The following CCDC178 variants were observed in gnomAD, a reference collection of about 807,000 sequenced individuals.
The protein encoded by CCDC178 is coiled-coil domain containing 178, also known as coiled-coil domain-containing protein 178.
A neutral mutation model predicts 117.4 loss-of-function variants in CCDC178; 126 were observed. That is an observed-to-expected ratio of 1.07 (90% confidence interval 0.93 to 1.24). The LOEUF is 1.24. CCDC178 is among the 50% of genes most tolerant of loss of function. The pLI is 0.00. For synonymous variants in CCDC178, 283 were observed against 313.4 expected (o/e 0.90, Z 1.02); for missense variants, 1,030 against 986.9 (o/e 1.04, Z -0.59).
In CCDC178 at chr18:33,107,061, C is replaced by T. The variant is rs555422780; in HGVS notation, c.2239-14151G>A. On this transcript the variant is annotated intron_variant, in intron 20 of 22. Transcript: ENST00000383096. ...TCCCTGAGCCCTCAGAAGGGGAATA[C>T]AGCCCTGGCAACAACTTGACTTAAC... Among the ~76,000 whole-genome samples, 23 of 151,812 alleles carry T rather than the reference C, an allele frequency of 1.5e-4. No homozygotes were observed. In the East Asian group the frequency reaches 3.1e-3, roughly 21 times the overall value.
intron 2 of CCDC178, among the ~76,000 whole-genome samples, chr18:33,438,144 A>G (rs1398172884): frequency 1.3e-5 from 2 of 152,176 alleles, no homozygotes; most frequent in Non-Finnish European, 2.9e-5. Flanking sequence ...AGCATGGAAC[A>G]GTCAGGACTT....
chr18:33,069,352 T>C (rs2057071555), intron 21 of CCDC178, among the ~76,000 whole-genome samples: 1 of 152,022 alleles, frequency 6.6e-6, no homozygotes, highest in Non-Finnish European at 1.5e-5. Flanking sequence ...TGGAGCAGAA[T>C]AGAAAAACCA....
chr18:33,180,578 T>A (rs1328906198), intron 20 of CCDC178, among the ~76,000 whole-genome samples: 1 of 152,020 alleles, frequency 6.6e-6, no homozygotes, highest in Non-Finnish European at 1.5e-5. Flanking sequence ...AAATGTGCTA[T>A]TGTTATTGTC....
intron 12 of CCDC178, among the ~76,000 whole-genome samples, chr18:33,289,370 T>C (rs866917907): frequency 1.1e-4 from 17 of 152,194 alleles, no homozygotes; most frequent in Admixed American, 2.6e-4. Flanking sequence ...ATCCCAGCGC[T>C]TTGGAAGGCT....
chr18:33,301,262 G>A (rs73421816), intron 11 of CCDC178, among the ~76,000 whole-genome samples: 7,694 of 152,326 alleles, frequency 0.051, 658 homozygotes, highest in African/African-American at 0.17. Flanking sequence ...GTGAAGGAAG[G>A]TTGGAGGCTT....
At chr18:33,428,064 TG>T (rs1485806843) in intron 2 of CCDC178, among the ~76,000 whole-genome samples, 1 of 152,242 alleles carries the variant, frequency 6.6e-6, no homozygotes, top group African/African-American at 2.4e-5. Flanking sequence ...AAAACTATTT[TG>T]TGAATTAGAA....
chr18:32,937,998 A>G lies in CCDC178; in HGVS notation c.*13T>C, dbSNP rs16964121. On this transcript the variant is annotated 3_prime_UTR_variant, in exon 23 of 23. Transcript: ENST00000383096. Reference sequence around the variant, plus strand: ...TCTTTTATTTCAGCATCCAAGATACATTGGTTGTTTGCTTAACCATCGTTT... The same window carrying G: ...TCTTTTATTTCAGCATCCAAGATACGTTGGTTGTTTGCTTAACCATCGTTT... 34,044 of 1,591,702 alleles carry G rather than the reference A, an allele frequency of 0.021. 5,844 individuals carry two copies. In the African/African-American group the frequency reaches 0.39, roughly 18 times the overall value.
rs143702049 is a variant in CCDC178 at position 33,351,148 on chromosome 18, A to ATGTGTGTGTGTG, written c.372-2185_372-2174dup. Among the ~76,000 whole-genome samples the ATGTGTGTGTGTG allele has an allele frequency of 1.1e-3, 156 of 138,168 alleles. 1 individual carries two copies. Among genetic ancestry groups the ATGTGTGTGTGTG allele is most frequent in the African/African-American group, 3.0e-3 (107 of 35,988 alleles). The allele number at this position is 138,168 out of a possible 152,430, so 90.6% of individuals were successfully genotyped here. On this transcript the variant is annotated intron_variant, in intron 7 of 22. Coordinates refer to ENST00000383096, the MANE Select transcript of CCDC178 (RefSeq NM_001105528.4). ...TCTAGGATAAATCTCACTGATCATG[A>ATGTGTGTGTGTG]TGTGTGTGTGTGTGTGTGTGTGTGT... is the stretch of plus-strand genomic sequence containing the variant.
chr18:33,368,508 T>C (rs1216674680), intron 6 of CCDC178, among the ~76,000 whole-genome samples: 1 of 151,934 alleles, frequency 6.6e-6, no homozygotes, highest in Non-Finnish European at 1.5e-5. Flanking sequence ...AAAGATAAGA[T>C]ATAAAATATC....
intron 20 of CCDC178, 43 bp downstream of exon 20, chr18:33,211,853 A>G (rs762157899): frequency 4.0e-6 from 6 of 1,517,124 alleles, no homozygotes; most frequent in Non-Finnish European, 3.6e-6. Flanking sequence ...TTTGACTATC[A>G]CTATATTCCT....
intron 20 of CCDC178, chr18:33,136,092 A>T (rs2058122538): frequency 6.6e-6 from 1 of 152,140 alleles, no homozygotes; most frequent in Non-Finnish European, 1.5e-5. Flanking sequence ...GCAGAGGCTG[A>T]CCCAGCCTCC....
In CCDC178 at chr18:33,333,178, A is replaced by ATT. The variant is rs535192849; in HGVS notation, c.873_874dup (p.Met292LysfsTer4). 30 of 1,424,936 alleles carry ATT rather than the reference A, an allele frequency of 2.1e-5. No homozygotes were observed. Among genetic ancestry groups the ATT allele is most frequent in the South Asian group, 3.9e-5 (3 of 76,874 alleles). The allele number at this position is 1,424,936 out of a possible 1,614,324, so 88.3% of individuals were successfully genotyped here. ...CTCATGCATTCGTTTATTTACCTCC[A>ATT]TTTTTTTTTTATAATGGTTCTTCAG... is the stretch of plus-strand genomic sequence containing the variant. On this transcript the variant is annotated frameshift_variant, in exon 10 of 23. Coordinates refer to ENST00000383096, the MANE Select transcript of CCDC178 (RefSeq NM_001105528.4). LOFTEE classifies it high-confidence loss of function.
chr18:33,065,861 C>CTTTTT (rs113727763), intron 21 of CCDC178, among the ~76,000 whole-genome samples: 2 of 130,214 alleles, frequency 1.5e-5, no homozygotes, highest in Non-Finnish European at 1.6e-5. Context: ...AGTTCTTTTT[C>CTTTTT]TTTTTTTTTT....
chr18:33,090,237 AAAG>A (rs2057442933), intron 21 of CCDC178, among the ~76,000 whole-genome samples: 2 of 152,322 alleles, frequency 1.3e-5, no homozygotes, highest in South Asian at 4.1e-4. Flanking sequence ...ATAAGAATAC[AAAG>A]AAGTATGAAA....
chr18:33,126,233 C>G (rs181661706), intron 20 of CCDC178, among the ~76,000 whole-genome samples: 59 of 150,442 alleles, frequency 3.9e-4, no homozygotes, highest in African/African-American at 1.4e-3. Context: ...TTTATATATA[C>G]GTATATATAT....
chr18:33,171,523 G>C (rs189266590), intron 20 of CCDC178, among the ~76,000 whole-genome samples: 1 of 152,198 alleles, frequency 6.6e-6, no homozygotes, highest in East Asian at 1.9e-4. Context: ...AATTCAAGAA[G>C]AGATTTTATA....
chr18:33,354,812 A>C (rs912437179), intron 7 of CCDC178, among the ~76,000 whole-genome samples: 2 of 151,900 alleles, frequency 1.3e-5, no homozygotes, highest in African/African-American at 4.8e-5. Context: ...ACGGGGTTTC[A>C]CCATATTGGC....
chr18:32,942,683 T>C (rs948839773), intron 22 of CCDC178, among the ~76,000 whole-genome samples: 2 of 152,156 alleles, frequency 1.3e-5, no homozygotes, highest in Non-Finnish European at 2.9e-5. Flanking sequence ...TCAGCTTTGG[T>C]GTTTTTTATT....
Position 33,129,539 on chromosome 18 carries a change from T to C in CCDC178, c.2239-36629A>G, listed in dbSNP as rs1420295956. Among the ~76,000 whole-genome samples the C allele has an allele frequency of 2.6e-5, 4 of 152,048 alleles. No individual in the cohort carries two copies. The South Asian group carries it at 8.3e-4, about 31-fold the overall frequency. On this transcript the variant is annotated intron_variant, in intron 20 of 22. Coordinates refer to ENST00000383096, the MANE Select transcript of CCDC178 (RefSeq NM_001105528.4). ...CATACTGGATAAAATCACTGTTTAC[T>C]AAAGTCCTAAATAACTAAAAATGTG...
Sources: gnomAD v4.1 joint callset for allele counts (sites outside exome capture counted in the v4.1 genomes callset) on GRCh38, gnomAD v4.1.1 for gene constraint, MANE v1.5 for transcripts, NCBI Gene and HGNC (gene_info 2026-07-23, HGNC 2026-07-21) for gene names.